Variants in ZNF18 observed in about 807,000 individuals in gnomAD.
ZNF18 encodes the protein zinc finger protein 18, also known as heart development-specific gene 1 protein.
A neutral mutation model predicts 58.1 loss-of-function variants in ZNF18; 42 were observed. The ratio of observed to expected loss-of-function variants is 0.72; its 90% CI spans 0.56 to 0.93. ZNF18 has a LOEUF of 0.93. Among genes scored for constraint, ZNF18 ranks in the 40% least tolerant of loss-of-function variants. The probability of loss-of-function intolerance (pLI) is 0.00; values close to 1 mark genes in which losing one functional copy is unlikely to be tolerated. For missense variants in ZNF18, 540 were observed against 644.2 expected (o/e 0.84, Z 1.75); for synonymous variants, 231 against 239.8 (o/e 0.96, Z 0.34).
upstream of ZNF18, among the ~76,000 whole-genome samples, chr17:12,000,708 C>T (rs1197405078): frequency 1.3e-5 from 2 of 152,096 alleles, no homozygotes; most frequent in African/African-American, 4.8e-5. Context: ...AAGAGCGAAA[C>T]TCTGTCAGAA....
chr17:11,992,017 T>A (rs1285057328), intron 2 of ZNF18, among the ~76,000 whole-genome samples: 3 of 152,186 alleles, frequency 2.0e-5, no homozygotes, highest in African/African-American at 7.2e-5. Flanking sequence ...CCCCACACCT[T>A]GCTCTATGCA....
In ZNF18 at chr17:11,992,647, T is replaced by G; in HGVS notation, c.183A>C (p.Gln61His). Residue 61 changes from glutamine (Q) to histidine (H), a missense_variant, in exon 2 of 7, where the codon CAA becomes CAC. By Grantham distance (24) the Gln-to-His change is conservative (BLOSUM62 0). Coordinates refer to ENST00000580306, the MANE Select transcript of ZNF18 (RefSeq NM_001303281.2). ...GCCACTGGAAACAGAGCTTCCGAAG[T>G]TGCTTCAAGGTCTCATGAGGCCCAG... is the stretch of plus-strand genomic sequence containing the variant. The part of the protein sequence containing the change: ...VMSGPHETLK[Q>H]LRKLCFQWLQ... 1 of 1,614,232 alleles carries G rather than the reference T, an allele frequency of 6.2e-7. No individual in the cohort carries two copies. Among genetic ancestry groups the G allele is most frequent in the Non-Finnish European group, 8.5e-7 (1 of 1,180,042 alleles).
chr17:12,020,724 C>A, the ZNF18 span: 98 of 372,090 alleles, frequency 2.6e-4, no homozygotes, highest in Middle Eastern at 3.6e-3. Flanking sequence ...GCATCTGGCC[C>A]GGGCTGCGCG....
At chr17:12,010,296 G>A in the ZNF18 span, among the ~76,000 whole-genome samples, 1 of 151,990 alleles carries the variant, frequency 6.6e-6, no homozygotes, top group African/African-American at 2.4e-5. Flanking sequence ...TAGAAACTCA[G>A]TACATTTATT....
intron 6 of ZNF18, among the ~76,000 whole-genome samples, chr17:11,979,599 T>C (rs2151467731): frequency 6.6e-6 from 1 of 152,340 alleles, no homozygotes; most frequent in African/African-American, 2.4e-5. Context: ...AAAATTTTTA[T>C]TTTGGTGGTA....
At chr17:11,984,083 T>A (rs1967556678) in intron 5 of ZNF18, 30 bp downstream of exon 5, 15 of 1,583,932 alleles carry the variant, frequency 9.5e-6, no homozygotes, top group Non-Finnish European at 1.0e-5. Context: ...TCCTTCTACC[T>A]CCTTCCATCA....
intron 1 of ZNF18, 44 bp from the exon 2 acceptor site, chr17:11,992,955 A>G (rs1352559304): frequency 1.7e-6 from 2 of 1,156,472 alleles, no homozygotes; most frequent in South Asian, 1.7e-5. Context: ...GGAAGGGGAC[A>G]CATTTTCAGA....
chr17:11,990,520 T>A lies in ZNF18; in HGVS notation c.608A>T (p.Glu203Val). The change falls in exon 4 of 7, where the codon GAG becomes GTG. Residue 203 changes from glutamate to valine, a missense_variant. Coordinates refer to ENST00000580306, the MANE Select transcript of ZNF18 (RefSeq NM_001303281.2). ...ALAASQPARL[E>V]ERLIRDQDLG... ...GTCCTGGTCTCTGATCAGCCTTTCC[T>A]CCAGTCGGGCAGGCTGGGAGGCAGC... The A allele has an allele frequency of 1.9e-6, 3 of 1,612,002 alleles. No homozygotes were observed. The highest frequency in any genetic ancestry group is 2.5e-6 in the Non-Finnish European group (3 of 1,179,494).
At chr17:12,004,778 T>C in the ZNF18 span, among the ~76,000 whole-genome samples, 2 of 151,410 alleles carry the variant, frequency 1.3e-5, no homozygotes, top group Non-Finnish European at 2.9e-5. Context: ...TCCCAGCTAC[T>C]TGGGAGGCTG....
At chr17:11,979,463 G>T (rs1967202174) in intron 6 of ZNF18, among the ~76,000 whole-genome samples, 1 of 152,178 alleles carries the variant, frequency 6.6e-6, no homozygotes, top group South Asian at 2.1e-4. Context: ...CTATAAAAGT[G>T]AATCCCTTGA....
intron 6 of ZNF18, among the ~76,000 whole-genome samples, chr17:11,979,185 A>G (rs2151467302): frequency 6.6e-6 from 1 of 152,084 alleles, no homozygotes; most frequent in African/African-American, 2.4e-5. Flanking sequence ...AATCCGCCTC[A>G]ATCTTACTAC....
the ZNF18 span, among the ~76,000 whole-genome samples, chr17:12,005,014 T>A: frequency 6.6e-6 from 1 of 151,218 alleles, no homozygotes; most frequent in Non-Finnish European, 1.5e-5. Flanking sequence ...ATTTTAAATG[T>A]TTAAATATAT....
At chr17:11,989,478 T>C (rs966578374) in intron 4 of ZNF18, among the ~76,000 whole-genome samples, 1 of 152,176 alleles carries the variant, frequency 6.6e-6, no homozygotes, top group Non-Finnish European at 1.5e-5. Context: ...CTATATTCCA[T>C]ATGTTCAAGA....
the ZNF18 span, among the ~76,000 whole-genome samples, chr17:12,012,039 C>G: frequency 1.3e-5 from 2 of 152,142 alleles, no homozygotes; most frequent in Non-Finnish European, 2.9e-5. Flanking sequence ...CTATTATGTT[C>G]ATGACATTTA....
intron 4 of ZNF18, among the ~76,000 whole-genome samples, chr17:11,989,827 A>C (rs1967986413): frequency 6.6e-6 from 1 of 152,178 alleles, no homozygotes; most frequent in African/African-American, 2.4e-5. Flanking sequence ...AGAATGAAAA[A>C]TATACTGGAT....
At chr17:12,014,846 C>A in the ZNF18 span, among the ~76,000 whole-genome samples, 1 of 152,102 alleles carries the variant, frequency 6.6e-6, no homozygotes, top group African/African-American at 2.4e-5. Flanking sequence ...GTCAGGAGAT[C>A]GAGACCATCC....
chr17:11,991,483 C>G (rs62062051), intron 2 of ZNF18, among the ~76,000 whole-genome samples: 38,013 of 152,162 alleles, frequency 0.25, 5,348 homozygotes, highest in Middle Eastern at 0.36. Flanking sequence ...GTGGAATGCG[C>G]TGGGAGACTT....
At chr17:12,014,638 G>T in the ZNF18 span, among the ~76,000 whole-genome samples, 4 of 152,192 alleles carry the variant, frequency 2.6e-5, no homozygotes, top group Non-Finnish European at 5.9e-5. Context: ...AAAGCTAGGG[G>T]TAGGGGCAGT....
chr17:11,981,512 G>A (rs1425229162), intron 6 of ZNF18, among the ~76,000 whole-genome samples: 2 of 142,888 alleles, frequency 1.4e-5, no homozygotes, highest in Admixed American at 7.2e-5. Flanking sequence ...TTTTTGTAGA[G>A]ACAGGAACCT....
Sources: allele counts gnomAD v4.1 joint callset (sites outside exome capture counted in the v4.1 genomes callset), GRCh38; gene constraint gnomAD v4.1.1; transcripts MANE v1.5; gene names NCBI Gene and HGNC (gene_info 2026-07-23, HGNC 2026-07-21).